DDX10: variants seen among roughly 807,000 people sequenced by gnomAD.
DDX10 encodes probable ATP-dependent RNA helicase DDX10.
In DDX10, 74 loss-of-function variants were observed where a neutral mutation model predicts 104.3. The ratio of observed to expected loss-of-function variants is 0.71; its 90% CI spans 0.59 to 0.86. The LOEUF is 0.86. Among genes scored for constraint, DDX10 ranks in the 40% least tolerant of loss-of-function variants. The pLI is 0.00. For synonymous variants in DDX10, 351 were observed against 353.4 expected, an observed-to-expected ratio of 0.99 and a Z score of 0.08; for missense variants, 952 against 1,040.0, an observed-to-expected ratio of 0.92 and a Z score of 1.16.
chr11:108,665,476 A>G, intron 1 of DDX10, 137 bp downstream of exon 1: 1 of 994,196 alleles, frequency 1.0e-6, no homozygotes, highest in South Asian at 1.8e-5. Flanking sequence ...GCCGGGTGCC[A>G]CAGCTCAAAC....
At chr11:108,837,537 T>A (rs1047736013) in intron 13 of DDX10, among the ~76,000 whole-genome samples, 1 of 151,652 alleles carries the variant, frequency 6.6e-6, no homozygotes, top group Non-Finnish European at 1.5e-5. Flanking sequence ...TGTAGTGGTT[T>A]TAGGTTGTGA....
At chr11:108,935,968 T>C (rs916408474) in intron 17 of DDX10, among the ~76,000 whole-genome samples, 1 of 152,226 alleles carries the variant, frequency 6.6e-6, no homozygotes, top group African/African-American at 2.4e-5. Context: ...ATTGAACGTT[T>C]ACAAAGCTCA....
intron 6 of DDX10, among the ~76,000 whole-genome samples, chr11:108,683,615 AG>A (rs1312901246): frequency 6.6e-6 from 1 of 152,244 alleles, no homozygotes; most frequent in Non-Finnish European, 1.5e-5. Context: ...TGATACAAGC[AG>A]CTTCTTAGCC....
chr11:108,826,088 A>G (rs747210444), intron 13 of DDX10, among the ~76,000 whole-genome samples: 2 of 152,214 alleles, frequency 1.3e-5, no homozygotes, highest in Non-Finnish European at 1.5e-5. Context: ...AGTTTGAAAT[A>G]GTACATTTAG....
At chr11:108,755,970 C>T (rs1196792479) in intron 13 of DDX10, among the ~76,000 whole-genome samples, 1 of 140,026 alleles carries the variant, frequency 7.1e-6, no homozygotes, top group African/African-American at 3.2e-5. Context: ...CTCCCCCTTC[C>T]CTCTTTCCCT....
Position 108,897,016 on chromosome 11 carries a change from A to C in DDX10, c.2305-20857A>C, listed in dbSNP as rs113013334. Among the ~76,000 whole-genome samples the C allele has an allele frequency of 2.2e-3, 340 of 152,182 alleles. 1 individual carries two copies. Among genetic ancestry groups the C allele is most frequent in the Non-Finnish European group, 4.0e-3 (271 of 68,000 alleles). On this transcript the variant is annotated intron_variant, in intron 16 of 17. Coordinates refer to ENST00000322536, the MANE Select transcript of DDX10 (RefSeq NM_004398.4). ...AGCTCTTTCAAAAACTTTTTAAAAA[A>C]TTTCTTATTACACTTTAGCTGAGAG... is the stretch of plus-strand genomic sequence containing the variant.
intron 6 of DDX10, among the ~76,000 whole-genome samples, chr11:108,680,288 C>G (rs966082292): frequency 6.6e-6 from 1 of 152,166 alleles, no homozygotes; most frequent in Non-Finnish European, 1.5e-5. Flanking sequence ...GAATATAGCT[C>G]ACTACAGCCT....
intron 13 of DDX10, among the ~76,000 whole-genome samples, chr11:108,820,987 C>T (rs562910581): frequency 1.6e-4 from 24 of 152,268 alleles, no homozygotes; most frequent in Non-Finnish European, 3.2e-4. Flanking sequence ...TCTTGATTAG[C>T]CCAAGCTCAA....
intron 16 of DDX10, among the ~76,000 whole-genome samples, chr11:108,906,748 A>G (rs970692388): frequency 6.6e-6 from 1 of 152,248 alleles, no homozygotes; most frequent in Admixed American, 6.5e-5. Context: ...CCATTATTTA[A>G]TAGGGCGTTA....
chr11:108,937,668 A>AT (rs1242810682), intron 17 of DDX10, among the ~76,000 whole-genome samples: 3 of 152,078 alleles, frequency 2.0e-5, no homozygotes, highest in South Asian at 2.1e-4. Flanking sequence ...TTACTTGATG[A>AT]TTTTTTCTCT....
intron 15 of DDX10, among the ~76,000 whole-genome samples, chr11:108,847,785 T>C (rs1469470623): frequency 6.6e-6 from 1 of 152,226 alleles, no homozygotes; most frequent in Non-Finnish European, 1.5e-5. Flanking sequence ...AGTTTACATG[T>C]ATCGTCATAT....
chr11:108,693,656 CT>C, intron 9 of DDX10, 56 bp downstream of exon 9: 1 of 1,322,268 alleles, frequency 7.6e-7, no homozygotes, highest in Non-Finnish European at 1.1e-6. Flanking sequence ...ACAAAGCATG[CT>C]TTTCCAACTG....
At chr11:108,816,317 T>C (rs1464228479) in intron 13 of DDX10, among the ~76,000 whole-genome samples, 1 of 152,250 alleles carries the variant, frequency 6.6e-6, no homozygotes, top group Non-Finnish European at 1.5e-5. Flanking sequence ...GAGCCTGTTC[T>C]ACTATTGTAA....
chr11:108,679,572 T>C lies in DDX10; in HGVS notation c.848+12T>C. Reference sequence around the variant, plus strand: ...AAAGCAAAATATAGGTATGTACTCTTTGAGTCAATCAAGATAAATGTTTTT... The same window carrying C: ...AAAGCAAAATATAGGTATGTACTCTCTGAGTCAATCAAGATAAATGTTTTT... On this transcript the variant is annotated intron_variant, in intron 6 of 17. Coordinates refer to ENST00000322536, the MANE Select transcript of DDX10 (RefSeq NM_004398.4). The C allele has an allele frequency of 2.6e-6, 4 of 1,541,114 alleles. No individual in the cohort carries two copies. Among genetic ancestry groups the C allele is most frequent in the Non-Finnish European group, 3.5e-6 (4 of 1,144,062 alleles).
chr11:108,739,893 T>G (rs1174389106), intron 13 of DDX10, among the ~76,000 whole-genome samples: 1 of 152,018 alleles, frequency 6.6e-6, no homozygotes, highest in Admixed American at 6.5e-5. Context: ...CTTTGTATGG[T>G]CCTCTCATAT....
At chr11:108,795,692 T>C (rs1861931884) in intron 13 of DDX10, among the ~76,000 whole-genome samples, 1 of 152,090 alleles carries the variant, frequency 6.6e-6, no homozygotes, top group African/African-American at 2.4e-5. Context: ...TATGGCTGCA[T>C]AGTATTCCAT....
chr11:108,814,703 T>G (rs1357892398), intron 13 of DDX10, among the ~76,000 whole-genome samples: 2 of 152,184 alleles, frequency 1.3e-5, no homozygotes, highest in African/African-American at 4.8e-5. Context: ...AATATCACTT[T>G]AAAAAGAAAA....
rs192173296 is a variant in DDX10 at position 108,669,742 on chromosome 11, A to G, written c.187-3725A>G. On this transcript the variant is annotated intron_variant, in intron 1 of 17. Transcript: ENST00000322536. ...GATTATCCTGGATTAGGTGGGCCCA[A>G]TGTAATCACAGGTGTCCTTAGATGT... Among the ~76,000 whole-genome samples the G allele has an allele frequency of 7.9e-5, 12 of 152,322 alleles. No homozygotes were observed. The East Asian group carries it at 1.9e-3, about 24-fold the overall frequency.
At chr11:108,800,211 A>G (rs1332005953) in intron 13 of DDX10, among the ~76,000 whole-genome samples, 2 of 150,420 alleles carry the variant, frequency 1.3e-5, no homozygotes, top group Non-Finnish European at 2.9e-5. Flanking sequence ...TGGGAGGCCG[A>G]GACAGGCGGA....
Sources: allele counts gnomAD v4.1 joint callset (sites outside exome capture counted in the v4.1 genomes callset), GRCh38; gene constraint gnomAD v4.1.1; transcripts MANE v1.5; gene names NCBI Gene and HGNC (gene_info 2026-07-23, HGNC 2026-07-21).